Variants in ZNF383 observed in about 807,000 individuals in gnomAD.
The protein encoded by ZNF383 is zinc finger protein 383.
A neutral mutation model predicts 44.2 loss-of-function variants in ZNF383; 32 were observed. The observed-to-expected ratio is 0.72, with a 90% confidence interval of 0.55 to 0.97. The LOEUF is 0.97. Ranked by LOEUF, ZNF383 falls within the 50% of genes least tolerant of loss-of-function variation. The pLI, the probability that ZNF383 is intolerant of heterozygous loss-of-function variation, is 0.00. For missense variants in ZNF383, 487 were observed against 562.5 expected (o/e 0.87, Z 1.36); for synonymous variants, 155 against 186.2 (o/e 0.83, Z 1.36).
chr19:37,227,350 G>T (rs1801944872), intron 2 of ZNF383, among the ~76,000 whole-genome samples: 2 of 151,780 alleles, frequency 1.3e-5, no homozygotes, highest in African/African-American at 2.4e-5. Context: ...CCGACCTCGG[G>T]TGATCAGCCT....
At position 37,242,834 on chromosome 19, in the gene ZNF383, T is replaced by C. The variant is rs747418768; in HGVS notation, c.598T>C (p.Cys200Arg). 6.2e-7 allele frequency: 1 copy of C among 1,613,998 alleles called. No homozygotes were observed. Among genetic ancestry groups the C allele is most frequent in the Non-Finnish European group, 8.5e-7 (1 of 1,179,900 alleles). ...RIHIGEKSYE[C>R]KECGKFFSCG... The stretch of plus-strand genomic sequence containing the variant: ...TCATATTGGTGAAAAATCTTATGAA[T>C]GTAAAGAGTGTGGGAAATTCTTTAG... Residue 200 changes from cysteine (C) to arginine (R), a missense_variant, in exon 6 of 6, where the codon TGT becomes CGT. Cys to Arg is a radical substitution (Grantham distance 180). Transcript: ENST00000684119.
In ZNF383 at chr19:37,229,800, A is replaced by ATT. The variant is rs1219681218; in HGVS notation, c.-45-608_-45-607insTT. Among the ~76,000 whole-genome samples, 3 of 114,426 alleles carry ATT rather than the reference A, an allele frequency of 2.6e-5. No individual in the cohort carries two copies. The South Asian group carries it at 8.0e-4, about 30-fold the overall frequency. 75.1% of individuals were successfully genotyped at this position (114,426 alleles called of 152,430 possible). A position where few individuals can be genotyped will look rare whatever the true frequency, so the allele number is the denominator to read the frequency against. On this transcript the variant is annotated intron_variant, in intron 2 of 5. Coordinates refer to ENST00000684119, the MANE Select transcript of ZNF383 (RefSeq NM_001387601.1). ...TATATGTGTGTGTATATATATATAT[A>ATT]TATTTTTTTTTTTTTTTCAATAAAA...
chr19:37,227,323 G>A (rs1599784756), intron 2 of ZNF383, among the ~76,000 whole-genome samples: 1 of 148,886 alleles, frequency 6.7e-6, no homozygotes, highest in Non-Finnish European at 1.5e-5. Flanking sequence ...TGTGTTGGTC[G>A]GGCTGGTCTT....
Position 37,245,971 on chromosome 19 carries a change from A to G in ZNF383, c.*2307A>G. The G allele has an allele frequency of 6.6e-6, 1 of 151,580 alleles. No individual in the cohort carries two copies. Among genetic ancestry groups the G allele is most frequent in the East Asian group, 1.9e-4 (1 of 5,152 alleles). The allele number at this position is 151,580 out of a possible 1,614,324, so 9.4% of individuals were successfully genotyped here. A position where few individuals can be genotyped will look rare whatever the true frequency, so the allele number is the denominator to read the frequency against. Reference sequence around the variant, plus strand: ...GCCACCATGCCTAGCTAATTTTTGTATTATTAGTAGAGATGGGGTTTCACC... The same window carrying G: ...GCCACCATGCCTAGCTAATTTTTGTGTTATTAGTAGAGATGGGGTTTCACC... On this transcript the variant is annotated 3_prime_UTR_variant, in exon 6 of 6. Transcript: ENST00000684119.
rs113749475 is a variant in ZNF383 at position 37,246,626 on chromosome 19, A to G, written c.*2962A>G. 3.3e-5 allele frequency: 5 copies of G among 150,828 alleles called. No homozygotes were observed. The highest frequency in any genetic ancestry group is 1.3e-4 in the Admixed American group (2 of 15,236). 9.3% of individuals were successfully genotyped at this position (150,828 alleles called of 1,614,324 possible). A position where few individuals can be genotyped will look rare whatever the true frequency, so the allele number is the denominator to read the frequency against. On this transcript the variant is annotated 3_prime_UTR_variant, in exon 6 of 6. Coordinates refer to ENST00000684119, the MANE Select transcript of ZNF383 (RefSeq NM_001387601.1). Reference sequence around the variant, plus strand: ...TCTCTACTAAAAATACAAAAAAAACAAAAACAAAAACAAATAGCCAGGCAT... The same window carrying G: ...TCTCTACTAAAAATACAAAAAAAACGAAAACAAAAACAAATAGCCAGGCAT...
At position 37,248,335 on chromosome 19, in the gene ZNF383, A is replaced by C. The variant is rs1974440138; in HGVS notation, c.*4671A>C. 6.6e-6 allele frequency: 1 copy of C among 152,200 alleles called. No individual in the cohort carries two copies. Among genetic ancestry groups the C allele is most frequent in the Non-Finnish European group, 1.5e-5 (1 of 68,048 alleles). The allele number at this position is 152,200 out of a possible 1,614,324, so 9.4% of individuals were successfully genotyped here. Reference sequence around the variant, plus strand: ...AATCCTGATGTTACAACCTACTAGAACCCAAAACAATTTGTCCAGAATCAG... The same window carrying C: ...AATCCTGATGTTACAACCTACTAGACCCCAAAACAATTTGTCCAGAATCAG... On this transcript the variant is annotated 3_prime_UTR_variant, in exon 6 of 6. Coordinates refer to ENST00000684119, the MANE Select transcript of ZNF383 (RefSeq NM_001387601.1).
At chr19:37,240,625 T>A (rs1438732916) in intron 5 of ZNF383, among the ~76,000 whole-genome samples, 1 of 152,174 alleles carries the variant, frequency 6.6e-6, no homozygotes, top group East Asian at 1.9e-4. Context: ...TAAGCAAGTC[T>A]CCTCTCCCCT....
intron 2 of ZNF383, among the ~76,000 whole-genome samples, chr19:37,225,791 A>T (rs1234255): frequency 8.4e-4 from 121 of 143,836 alleles, no homozygotes; most frequent in Middle Eastern, 3.6e-3. Context: ...TTCAGTTTAA[A>T]TTTTTTTTTT....
intron 3 of ZNF383, among the ~76,000 whole-genome samples, chr19:37,232,084 T>G (rs1973515904): frequency 6.6e-6 from 1 of 151,806 alleles, no homozygotes; most frequent in African/African-American, 2.4e-5. Flanking sequence ...TTTTTTTGTT[T>G]TTTTTTTTTG....
At chr19:37,229,802 A>ATATATAT (rs1468252245) in intron 2 of ZNF383, among the ~76,000 whole-genome samples, 2 of 125,350 alleles carry the variant, frequency 1.6e-5, no homozygotes, top group African/African-American at 6.3e-5. Context: ...ATATATATAT[A>ATATATAT]TTTTTTTTTT....
At position 37,242,921 on chromosome 19, in the gene ZNF383, A is replaced by G; in HGVS notation, c.685A>G (p.Lys229Glu). ...IHTGEKPFEC[K>E]ECGKAFSCSS... ...TACTGGCGAAAAACCCTTTGAATGT[A>G]AGGAATGTGGAAAGGCCTTCAGTTG... The change falls in exon 6 of 6, where the codon AAG becomes GAG. Residue 229 changes from lysine (K) to glutamate (E), a missense_variant. Coordinates refer to ENST00000684119, the MANE Select transcript of ZNF383 (RefSeq NM_001387601.1). 6.2e-7 allele frequency: 1 copy of G among 1,614,150 alleles called. No individual in the cohort carries two copies. The highest frequency in any genetic ancestry group is 8.5e-7 in the Non-Finnish European group (1 of 1,180,008).
In ZNF383 at chr19:37,242,791, T is replaced by C. The variant is rs1398421260; in HGVS notation, c.555T>C (p.Phe185=). ...CGKAFSQNSQ[F]IQHQRIHIGE... ...AGGCCTTTAGTCAGAACTCACAATT[T>C]ATTCAACATCAGAGAATTCATATTG... The change falls in exon 6 of 6, where the codon TTT becomes TTC. Residue 185 remains phenylalanine, a synonymous_variant. Coordinates refer to ENST00000684119, the MANE Select transcript of ZNF383 (RefSeq NM_001387601.1). The C allele has an allele frequency of 6.2e-7, 1 of 1,614,144 alleles. No individual in the cohort carries two copies. The highest frequency in any genetic ancestry group is 8.5e-7 in the Non-Finnish European group (1 of 1,179,996).
intron 5 of ZNF383, among the ~76,000 whole-genome samples, chr19:37,240,286 A>G (rs1974020488): frequency 6.6e-6 from 1 of 152,132 alleles, no homozygotes; most frequent in South Asian, 2.1e-4. Flanking sequence ...AAACCATTTA[A>G]TTTGCCTAAT....
chr19:37,229,147 A>ATTTT (rs774901192), intron 2 of ZNF383, among the ~76,000 whole-genome samples: 15 of 116,864 alleles, frequency 1.3e-4, no homozygotes, highest in African/African-American at 2.4e-4. Context: ...AAAAGGTTGA[A>ATTTT]TTTTTTTTTT....
intron 3 of ZNF383, among the ~76,000 whole-genome samples, chr19:37,231,988 A>G (rs905945767): frequency 1.3e-5 from 2 of 151,994 alleles, no homozygotes; most frequent in Non-Finnish European, 1.5e-5. Context: ...AACATTAACT[A>G]TTTTTGTTTT....
intron 1 of ZNF383, among the ~76,000 whole-genome samples, chr19:37,223,873 A>G (rs1318947457): frequency 1.6e-4 from 25 of 151,934 alleles, no homozygotes; most frequent in Non-Finnish European, 5.9e-5. Context: ...CTCTACTAAA[A>G]ATACAAAAAA....
At chr19:37,233,722 C>T (rs376102264) in intron 3 of ZNF383, among the ~76,000 whole-genome samples, 19 of 151,896 alleles carry the variant, frequency 1.3e-4, no homozygotes, top group African/African-American at 4.1e-4. Context: ...GCCACCACAC[C>T]GGGCCTGGGA....
intron 1 of ZNF383, among the ~76,000 whole-genome samples, chr19:37,220,568 T>A (rs77252365): frequency 8.2e-6 from 1 of 122,246 alleles, no homozygotes; most frequent in Non-Finnish European, 1.6e-5. Flanking sequence ...TGTTTTTTTT[T>A]TTGTTGTTGT....
intron 1 of ZNF383, among the ~76,000 whole-genome samples, chr19:37,224,099 A>G (rs779622127): frequency 6.6e-6 from 1 of 152,120 alleles, no homozygotes; most frequent in Non-Finnish European, 1.5e-5. Flanking sequence ...TCAAGAAGCT[A>G]AGGAAAAGTC....
Sources: allele counts gnomAD v4.1 joint callset (sites outside exome capture counted in the v4.1 genomes callset), GRCh38; gene constraint gnomAD v4.1.1; transcripts MANE v1.5; gene names NCBI Gene and HGNC (gene_info 2026-07-23, HGNC 2026-07-21).